The following FBN2 variants were observed in gnomAD, a reference collection of about 807,000 sequenced individuals.
FBN2 encodes the protein fibrillin-2.
Under a neutral mutation model 355.6 loss-of-function variants are expected in FBN2, and 105 were observed. The observed-to-expected ratio is 0.30, with a 90% CI of 0.25 to 0.35. FBN2 has a LOEUF of 0.35. Ranked by LOEUF, FBN2 falls within the 10% of genes least tolerant of loss-of-function variation. FBN2 has a pLI of 1.00. For synonymous variants in FBN2, 1,350 were observed against 1,301.2 expected, an observed-to-expected ratio of 1.04 and a Z score of -0.81; for missense variants, 3,280 against 3,758.7, an observed-to-expected ratio of 0.87 and a Z score of 3.33.
chr5:128,408,862 G>GA (rs1458835864), intron 7 of FBN2, 63 bp from the exon 8 acceptor site: 5 of 1,590,142 alleles, frequency 3.1e-6, no homozygotes, highest in Middle Eastern at 1.7e-4. Flanking sequence ...TTTTAAAAGA[G>GA]ATTTTTTTTT....
chr5:128,290,282 A>G (rs1269875443), intron 50 of FBN2, among the ~76,000 whole-genome samples: 1 of 152,160 alleles, frequency 6.6e-6, no homozygotes, highest in Non-Finnish European at 1.5e-5. Context: ...CCTATAATTT[A>G]TGGGTGCCAA....
intron 7 of FBN2, among the ~76,000 whole-genome samples, chr5:128,410,624 T>C (rs761802350): frequency 6.6e-6 from 1 of 152,208 alleles, no homozygotes; most frequent in Non-Finnish European, 1.5e-5. Flanking sequence ...AACTTCCCTA[T>C]GCCCTAGTCT....
chr5:128,534,825 A>T (rs530408559), intron 2 of FBN2, among the ~76,000 whole-genome samples: 1 of 152,290 alleles, frequency 6.6e-6, no homozygotes, highest in East Asian at 1.9e-4. Flanking sequence ...TTCAACACGT[A>T]CCATGAACCA....
intron 3 of FBN2, among the ~76,000 whole-genome samples, chr5:128,528,634 G>A (rs567439059): frequency 6.6e-6 from 1 of 152,270 alleles, no homozygotes; most frequent in Admixed American, 6.5e-5. Flanking sequence ...AGATTCCTGT[G>A]GTTAAAAAGA....
chr5:128,435,981 C>G (rs1753759145), intron 7 of FBN2, among the ~76,000 whole-genome samples: 1 of 152,190 alleles, frequency 6.6e-6, no homozygotes, highest in African/African-American at 2.4e-5. Context: ...ATGCATGCAA[C>G]TTTCCATGTA....
chr5:128,493,984 T>TTGTCATATGCAATGTAA (rs1245823535), intron 5 of FBN2, among the ~76,000 whole-genome samples: 1 of 148,038 alleles, frequency 6.8e-6, no homozygotes, highest in East Asian at 1.9e-4. Context: ...ATGTAAGACA[T>TTGTCATATGCAATGTAA]GTCATATGCA....
At chr5:128,306,557 G>A (rs762758452) in intron 42 of FBN2, among the ~76,000 whole-genome samples, 7 of 152,088 alleles carry the variant, frequency 4.6e-5, no homozygotes, top group Non-Finnish European at 8.8e-5. Context: ...AGGAGACAGA[G>A]GTTACAGTGA....
intron 3 of FBN2, 55 bp downstream of exon 3, chr5:128,530,540 T>C: frequency 5.8e-6 from 7 of 1,198,244 alleles, no homozygotes; most frequent in Non-Finnish European, 8.7e-6. Context: ...ACCTTTAGCA[T>C]TTGCTCCAAA....
At chr5:128,380,242 T>C (rs1241806678) in intron 11 of FBN2, among the ~76,000 whole-genome samples, 2 of 152,024 alleles carry the variant, frequency 1.3e-5, no homozygotes, top group African/African-American at 2.4e-5. Flanking sequence ...TAAAGTATAA[T>C]AAATAGACTT....
chr5:128,291,462 T>C (rs1749319663), intron 49 of FBN2, 67 bp downstream of exon 49: 1 of 1,562,634 alleles, frequency 6.4e-7, no homozygotes, highest in Non-Finnish European at 8.8e-7. Context: ...ACCAGCATGA[T>C]GGTTTACAAT....
intron 27 of FBN2, 116 bp from the exon 28 acceptor site, chr5:128,336,229 T>C: frequency 1.0e-6 from 1 of 995,260 alleles, no homozygotes; most frequent in Non-Finnish European, 1.6e-6. Context: ...CACGAGGAAG[T>C]AAAATGTTCT....
intron 5 of FBN2, among the ~76,000 whole-genome samples, chr5:128,514,728 T>G (rs1392211412): frequency 6.6e-6 from 1 of 152,206 alleles, no homozygotes; most frequent in Non-Finnish European, 1.5e-5. Context: ...GTGTACGTTA[T>G]AGTCTCCAAG....
intron 5 of FBN2, among the ~76,000 whole-genome samples, 189 bp downstream of exon 5, chr5:128,519,084 G>A (rs551514695): frequency 2.0e-5 from 3 of 152,126 alleles, no homozygotes; most frequent in South Asian, 4.1e-4. Flanking sequence ...GTTCACTGGT[G>A]GAAAAAGTTG....
intron 62 of FBN2, among the ~76,000 whole-genome samples, chr5:128,269,339 G>A (rs1021937178): frequency 2.0e-5 from 3 of 149,928 alleles, no homozygotes; most frequent in African/African-American, 7.3e-5. Flanking sequence ...ATGGTGGCAG[G>A]CGCCTGTAAT....
At chr5:128,438,411 A>G (rs971367187) in intron 7 of FBN2, among the ~76,000 whole-genome samples, 13 of 152,248 alleles carry the variant, frequency 8.5e-5, no homozygotes, top group Non-Finnish European at 1.8e-4. Flanking sequence ...AAGTCACTAA[A>G]TATATTTTAA....
At chr5:128,301,636 T>A in intron 46 of FBN2, 126 bp from the exon 47 acceptor site, 1 of 883,544 alleles carries the variant, frequency 1.1e-6, no homozygotes, top group Non-Finnish European at 1.9e-6. Flanking sequence ...CAACTCCTCA[T>A]CAACAGAGAA....
At chr5:128,360,784 T>C (rs1351922402) in intron 19 of FBN2, among the ~76,000 whole-genome samples, 3 of 151,520 alleles carry the variant, frequency 2.0e-5, no homozygotes, top group East Asian at 1.9e-4. Context: ...CTATTACTAC[T>C]GCAGTTTTCT....
At chr5:128,342,269 G>GA (rs1294960839) in intron 25 of FBN2, among the ~76,000 whole-genome samples, 1 of 152,062 alleles carries the variant, frequency 6.6e-6, no homozygotes, top group Non-Finnish European at 1.5e-5. Flanking sequence ...CATCTGCATA[G>GA]AAGGATGATC....
At chr5:128,446,267 C>G (rs1351577397) in intron 7 of FBN2, 1 of 464,204 alleles carries the variant, frequency 2.2e-6, no homozygotes, top group Non-Finnish European at 4.0e-6. Flanking sequence ...ACTGAGATAA[C>G]AAACTAGATG....
Sources: allele counts gnomAD v4.1 joint callset (sites outside exome capture counted in the v4.1 genomes callset), GRCh38; gene constraint gnomAD v4.1.1; transcripts MANE v1.5; gene names NCBI Gene and HGNC (gene_info 2026-07-23, HGNC 2026-07-21).